The following SPAG16 variants were observed in gnomAD, a reference collection of about 807,000 sequenced individuals.
SPAG16 encodes sperm-associated antigen 16 protein.
SPAG16 carries 86 observed loss-of-function variants against 80.4 expected under a neutral mutation model. The observed-to-expected ratio is 1.07, with a 90% CI of 0.90 to 1.28. The LOEUF (loss-of-function observed/expected upper bound fraction) is 1.28, where lower values mean the gene tolerates loss of function less well. Ranked by LOEUF, SPAG16 falls within the 50% of genes most tolerant of loss-of-function variation. The pLI is 0.00. For missense variants in SPAG16, 870 were observed against 765.3 expected (o/e 1.14, Z -1.61); for synonymous variants, 294 against 265.9 (o/e 1.11, Z -1.03).
chr2:213,676,559 T>C (rs1293960220), intron 10 of SPAG16, among the ~76,000 whole-genome samples: 8 of 152,160 alleles, frequency 5.3e-5, no homozygotes, highest in African/African-American at 1.9e-4. Flanking sequence ...TATGTCCCAT[T>C]AATACCTAAT....
rs561732451 is a variant in SPAG16 at position 213,981,799 on chromosome 2, G to C, written c.1401-32152G>C. On this transcript the variant is annotated intron_variant, in intron 12 of 15. Transcript: ENST00000331683. ...AGCTATTCTCATCATTCCCCTTCTAGACATACATACACACATGCTTATATA... is the reference window on the plus strand; with the variant it reads ...AGCTATTCTCATCATTCCCCTTCTACACATACATACACACATGCTTATATA... Among the ~76,000 whole-genome samples, 45 of 151,808 alleles carry C rather than the reference G, an allele frequency of 3.0e-4. No individual in the cohort carries two copies. The South Asian group carries it at 8.9e-3, about 30-fold the overall frequency.
intron 10 of SPAG16, among the ~76,000 whole-genome samples, chr2:213,731,164 T>G (rs1223542289): frequency 6.8e-6 from 1 of 147,862 alleles, no homozygotes; most frequent in Non-Finnish European, 1.5e-5. Context: ...TTTTTTTTTT[T>G]TTTTTTTTTG....
At chr2:213,878,915 A>C (rs1243717178) in intron 11 of SPAG16, among the ~76,000 whole-genome samples, 1 of 152,008 alleles carries the variant, frequency 6.6e-6, no homozygotes, top group Non-Finnish European at 1.5e-5. Context: ...CCCTTTCCCC[A>C]GTGCATGTTT....
intron 15 of SPAG16, among the ~76,000 whole-genome samples, chr2:214,255,826 A>G: frequency 6.6e-6 from 1 of 151,964 alleles, no homozygotes; most frequent in Non-Finnish European, 1.5e-5. Flanking sequence ...GTAGTATTCT[A>G]TTATATGAAT....
intron 10 of SPAG16, among the ~76,000 whole-genome samples, chr2:213,550,230 G>T (rs960522805): frequency 6.7e-6 from 1 of 149,016 alleles, no homozygotes; most frequent in African/African-American, 2.5e-5. Flanking sequence ...TTTTTTTTCA[G>T]AATTAATCAG....
intron 13 of SPAG16, among the ~76,000 whole-genome samples, chr2:214,075,225 T>C (rs1012608117): frequency 6.6e-6 from 1 of 152,070 alleles, no homozygotes; most frequent in East Asian, 1.9e-4. Context: ...ATTTTGATAA[T>C]TGAAAGTGTT....
chr2:213,470,758 G>C (rs970834889), intron 9 of SPAG16, among the ~76,000 whole-genome samples: 3 of 152,210 alleles, frequency 2.0e-5, no homozygotes, highest in South Asian at 4.1e-4. Context: ...GGTGTCCACA[G>C]AACGGGTCAT....
intron 12 of SPAG16, among the ~76,000 whole-genome samples, chr2:214,005,427 A>C (rs74427304): frequency 1.6e-3 from 243 of 152,250 alleles, no homozygotes; most frequent in African/African-American, 5.7e-3. Flanking sequence ...ACCATTTGGG[A>C]ACAATGTTCA....
intron 9 of SPAG16, among the ~76,000 whole-genome samples, chr2:213,421,124 C>A (rs769089215): frequency 5.3e-5 from 8 of 152,040 alleles, no homozygotes; most frequent in Non-Finnish European, 1.2e-4. Context: ...CCAGCTGCAG[C>A]TCTGGACCTG....
At chr2:213,367,021 A>G (rs2066335486) in intron 8 of SPAG16, among the ~76,000 whole-genome samples, 1 of 151,874 alleles carries the variant, frequency 6.6e-6, no homozygotes. Flanking sequence ...CCCACCTGTG[A>G]GTGAGAACAT....
At chr2:214,277,791 C>T (rs1178737861) in intron 15 of SPAG16, among the ~76,000 whole-genome samples, 4 of 152,210 alleles carry the variant, frequency 2.6e-5, no homozygotes, top group Non-Finnish European at 5.9e-5. Context: ...AGCAGTCTGT[C>T]CGTTCTCAGA....
chr2:214,322,470 T>C (rs1225749146), intron 15 of SPAG16, among the ~76,000 whole-genome samples: 2 of 150,036 alleles, frequency 1.3e-5, no homozygotes, highest in Non-Finnish European at 3.0e-5. Context: ...GAATACCAAA[T>C]CTATTTCTAA....
chr2:214,409,693 G>T (rs919023424), intron 15 of SPAG16, among the ~76,000 whole-genome samples: 42 of 152,160 alleles, frequency 2.8e-4, no homozygotes, highest in African/African-American at 1.0e-3. Flanking sequence ...GTAATGATTA[G>T]CATAATTATT....
intron 10 of SPAG16, among the ~76,000 whole-genome samples, chr2:213,842,098 T>C (rs2074391233): frequency 6.6e-6 from 1 of 152,170 alleles, no homozygotes; most frequent in East Asian, 1.9e-4. Flanking sequence ...ACACTTCATA[T>C]GATCAATGAA....
chr2:213,451,862 A>T (rs942347290), intron 9 of SPAG16, among the ~76,000 whole-genome samples: 2 of 152,036 alleles, frequency 1.3e-5, no homozygotes, highest in African/African-American at 2.4e-5. Context: ...GCTAAAAGGG[A>T]GGGAGAGTTT....
At chr2:213,771,598 A>G (rs988037683) in intron 10 of SPAG16, among the ~76,000 whole-genome samples, 9 of 152,188 alleles carry the variant, frequency 5.9e-5, no homozygotes, top group African/African-American at 2.2e-4. Flanking sequence ...TTTACATTTA[A>G]GTCTTTAATC....
chr2:213,963,413 A>G (rs1188823444), intron 12 of SPAG16, among the ~76,000 whole-genome samples: 1 of 152,134 alleles, frequency 6.6e-6, no homozygotes, highest in Non-Finnish European at 1.5e-5. Context: ...TACGATTTCT[A>G]CGATTTAATT....
rs561996794 is a variant in SPAG16, at chr2:213,481,404, C to A, written c.943-8559C>A. Among the ~76,000 whole-genome samples the A allele has an allele frequency of 1.1e-4, 17 of 152,234 alleles. No individual in the cohort carries two copies. The South Asian group carries it at 3.1e-3, about 28-fold the overall frequency. On this transcript the variant is annotated intron_variant, in intron 9 of 15. Transcript: ENST00000331683. ...CAATTCATTGACTTTTGTCATCTTT[C>A]AATTAATTGCTTACATTTTTTGTTT...
At chr2:214,012,534 G>A (rs1004267278) in intron 12 of SPAG16, among the ~76,000 whole-genome samples, 1 of 151,286 alleles carries the variant, frequency 6.6e-6, no homozygotes, top group Non-Finnish European at 1.5e-5. Flanking sequence ...GACTTCAGGT[G>A]GTCTCCTGCC....
Sources: gnomAD v4.1 joint callset for allele counts (sites outside exome capture counted in the v4.1 genomes callset) on GRCh38, gnomAD v4.1.1 for gene constraint, MANE v1.5 for transcripts, NCBI Gene and HGNC (gene_info 2026-07-23, HGNC 2026-07-21) for gene names.